The following DNAH6 variants were observed in gnomAD, a reference collection of about 807,000 sequenced individuals.
The protein encoded by DNAH6 is axonemal beta dynein heavy chain 6.
A neutral mutation model predicts 491.4 loss-of-function variants in DNAH6; 340 were observed. The observed-to-expected ratio is 0.69, with a 90% CI of 0.63 to 0.76. The LOEUF is 0.76. DNAH6 is among the 30% of genes least tolerant of loss of function. The pLI is 0.00. For missense variants in DNAH6, 4,443 were observed against 4,972.2 expected, an observed-to-expected ratio of 0.89 and a Z score of 3.20; for synonymous variants, 1,603 against 1,686.1, an observed-to-expected ratio of 0.95 and a Z score of 1.21.
chr2:84,660,008 T>C (rs903681688), intron 37 of DNAH6, among the ~76,000 whole-genome samples: 9 of 151,986 alleles, frequency 5.9e-5, no homozygotes, highest in African/African-American at 1.4e-4. Context: ...TGTATGAAAA[T>C]TGATGTGTGT....
intron 10 of DNAH6, among the ~76,000 whole-genome samples, chr2:84,556,727 C>A (rs916925618): frequency 6.6e-6 from 1 of 152,148 alleles, no homozygotes; most frequent in Non-Finnish European, 1.5e-5. Flanking sequence ...TGCTGACATA[C>A]CTAACTTACC....
intron 41 of DNAH6, among the ~76,000 whole-genome samples, chr2:84,680,321 T>G (rs1054665999): frequency 1.3e-5 from 2 of 152,154 alleles, no homozygotes; most frequent in African/African-American, 2.4e-5. Flanking sequence ...TAATAAGAAT[T>G]TATCTATTTA....
chr2:84,489,326 A>G, the DNAH6 span, among the ~76,000 whole-genome samples: 1 of 152,134 alleles, frequency 6.6e-6, no homozygotes, highest in Non-Finnish European at 1.5e-5. Flanking sequence ...TGAGAAAGAC[A>G]TAGGAGTCAG....
intron 33 of DNAH6, among the ~76,000 whole-genome samples, chr2:84,644,080 A>G (rs1689668684): frequency 6.6e-6 from 1 of 152,126 alleles, no homozygotes; most frequent in Non-Finnish European, 1.5e-5. Context: ...TTGTCCTAGG[A>G]TTAGGACTCA....
chr2:84,636,950 A>C (rs923729965), intron 30 of DNAH6, among the ~76,000 whole-genome samples: 1 of 152,144 alleles, frequency 6.6e-6, no homozygotes, highest in African/African-American at 2.4e-5. Flanking sequence ...CAGACCTAGA[A>C]GATTTCAGGA....
chr2:84,703,690 A>AT, intron 50 of DNAH6, 128 bp downstream of exon 50: 28 of 821,346 alleles, frequency 3.4e-5, no homozygotes, highest in South Asian at 6.7e-5. Context: ...GATTTAGCAA[A>AT]GTTTTTTTTT....
intron 3 of DNAH6, among the ~76,000 whole-genome samples, chr2:84,527,075 AAG>A (rs1304975778): frequency 6.6e-6 from 1 of 152,164 alleles, no homozygotes; most frequent in African/African-American, 2.4e-5. Flanking sequence ...TTCTGAGAAA[AAG>A]GTAATTTTTT....
intron 11 of DNAH6, among the ~76,000 whole-genome samples, chr2:84,566,416 C>T (rs1291374482): frequency 3.3e-5 from 5 of 151,914 alleles, no homozygotes; most frequent in African/African-American, 1.2e-4. Flanking sequence ...ATATGATGGA[C>T]ACTTTTATGT....
intron 71 of DNAH6, among the ~76,000 whole-genome samples, chr2:84,806,766 GA>G (rs1282692561): frequency 6.6e-6 from 1 of 151,978 alleles, no homozygotes; most frequent in Non-Finnish European, 1.5e-5. Context: ...AATTGAGGCA[GA>G]AAAAACAGCA....
Position 84,715,639 on chromosome 2 carries a change from G to T in DNAH6, c.9611+12G>T. 6.5e-7 allele frequency: 1 copy of T among 1,549,762 alleles called. No individual in the cohort carries two copies. The highest frequency in any genetic ancestry group is 1.2e-5 in the South Asian group (1 of 83,828). ...GATCAGTTGTTAAGGTAAAAAAACA[G>T]GGAGTTGAGGGGAGGGAAGGGGGTA... On this transcript the variant is annotated intron_variant, in intron 58 of 76. Transcript: ENST00000389394.
At chr2:84,797,380 A>C (rs892767175) in intron 69 of DNAH6, among the ~76,000 whole-genome samples, 157 bp from the exon 70 acceptor site, 1 of 152,260 alleles carries the variant, frequency 6.6e-6, no homozygotes, top group Non-Finnish European at 1.5e-5. Flanking sequence ...AACTAGACAC[A>C]GCAATGAAAG....
chr2:84,514,618 A>G (rs1675463597), upstream of DNAH6, among the ~76,000 whole-genome samples: 1 of 152,180 alleles, frequency 6.6e-6, no homozygotes, highest in African/African-American at 2.4e-5. Context: ...GGGAAATATA[A>G]AGCACAGTAC....
At chr2:84,628,273 A>C (rs1446221879) in intron 29 of DNAH6, among the ~76,000 whole-genome samples, 1 of 152,146 alleles carries the variant, frequency 6.6e-6, no homozygotes, top group Non-Finnish European at 1.5e-5. Context: ...TCTAAGCAAA[A>C]CAAGATTGTC....
At position 84,548,306 on chromosome 2, in the gene DNAH6, G is replaced by T. The variant is rs1678991325; in HGVS notation, c.1205G>T (p.Ser402Ile). The change falls in exon 8 of 77, where the codon AGC becomes ATC. Residue 402 changes from serine to isoleucine, a missense_variant. Ser to Ile is a moderately radical substitution (Grantham distance 142). This residue lies in a region of DNAH6 where 2,977 missense variants were observed against 3,296.6 expected (regional missense o/e 0.90). Transcript: ENST00000389394. Reference sequence around the variant, plus strand: ...TTCTTAGATTATCATAAAGTGCAGAGCAGTGGAAGTTTCATTAATACACCA... The same window carrying T: ...TTCTTAGATTATCATAAAGTGCAGATCAGTGGAAGTTTCATTAATACACCA... ...GPFEDYHKVQ[S>I]SGSFINTPHE... The T allele has an allele frequency of 6.2e-7, 1 of 1,613,642 alleles. No homozygotes were observed. The highest frequency in any genetic ancestry group is 8.5e-7 in the Non-Finnish European group (1 of 1,179,798).
At chr2:84,635,968 C>A (rs768102650) in intron 30 of DNAH6, among the ~76,000 whole-genome samples, 2 of 152,152 alleles carry the variant, frequency 1.3e-5, no homozygotes, top group Non-Finnish European at 2.9e-5. Context: ...TTGGATTTGA[C>A]CCATCACTAT....
Position 84,703,386 on chromosome 2 carries a change from G to A in DNAH6, c.8062-9G>A. 6.7e-7 allele frequency: 1 copy of A among 1,487,088 alleles called. No individual in the cohort carries two copies. Among genetic ancestry groups the A allele is most frequent in the South Asian group, 1.4e-5 (1 of 72,100 alleles). 92.1% of individuals were successfully genotyped at this position (1,487,088 alleles called of 1,614,324 possible). The stretch of plus-strand genomic sequence containing the variant: ...GCTCATTATAATATAAATTTTCATT[G>A]TCACTTAGGCACGAGATCGGGTGAA... On this transcript the variant is annotated splice_polypyrimidine_tract_variant and intron_variant, in intron 49 of 76. Transcript: ENST00000389394.
At position 84,677,086 on chromosome 2, in the gene DNAH6, A is replaced by T. The variant is rs370582561; in HGVS notation, c.6694A>T (p.Met2232Leu). ...TCCCCGCTTCATCAGACACTTCAGC[A>T]TGCTGTGCCTCCCAATGCCCTCAGA... ...VTPRFIRHFS[M>L]LCLPMPSEHS... Residue 2232 changes from methionine to leucine, a missense_variant, in exon 41 of 77, where the codon ATG (methionine) becomes TTG (leucine). Coordinates refer to ENST00000389394, the MANE Select transcript of DNAH6 (RefSeq NM_001370.2). 1.3e-4 allele frequency: 201 copies of T among 1,551,766 alleles called. 2 individuals carry two copies. The African/African-American group carries it at 2.3e-3, about 18-fold the overall frequency.
At chr2:84,720,723 G>C (rs542120810) in intron 59 of DNAH6, among the ~76,000 whole-genome samples, 1 of 152,066 alleles carries the variant, frequency 6.6e-6, no homozygotes, top group Non-Finnish European at 1.5e-5. Flanking sequence ...CTGCTTTCGA[G>C]CTCCCAAAAT....
chr2:84,737,093 T>G (rs1156326552), intron 62 of DNAH6, among the ~76,000 whole-genome samples: 1 of 152,126 alleles, frequency 6.6e-6, no homozygotes, highest in Non-Finnish European at 1.5e-5. Context: ...GATCATATGG[T>G]TTTTGATTTT....
Sources: gnomAD v4.1 joint callset for allele counts (sites outside exome capture counted in the v4.1 genomes callset) on GRCh38, gnomAD v4.1.1 for gene constraint, gnomAD v4.1.1 regional missense constraint, MANE v1.5 for transcripts, NCBI Gene and HGNC (gene_info 2026-07-23, HGNC 2026-07-21) for gene names.